Variants in AAGAB observed in about 807,000 individuals in gnomAD.
AAGAB encodes the protein alpha and gamma adaptin binding protein, also known as alpha- and gamma-adaptin-binding protein p34.
A neutral mutation model predicts 44.1 loss-of-function variants in AAGAB; 38 were observed. That is an observed-to-expected ratio of 0.86 (90% CI 0.67 to 1.13). The LOEUF (loss-of-function observed/expected upper bound fraction) is 1.13, where lower values mean the gene tolerates loss of function less well. Among genes scored for constraint, AAGAB ranks in the 50% most tolerant of loss-of-function variants. The pLI is 0.00. For missense variants in AAGAB, 450 were observed against 373.8 expected (o/e 1.20, Z -1.68); for synonymous variants, 131 against 131.8 (o/e 0.99, Z 0.04).
chr15:67,237,065 G>T (rs1964488262), intron 1 of AAGAB, among the ~76,000 whole-genome samples: 1 of 152,048 alleles, frequency 6.6e-6, no homozygotes, highest in African/African-American at 2.4e-5. Flanking sequence ...TTGTGAACTA[G>T]ATTAGACAGT....
chr15:67,222,240 G>GCGCGCACACACACACACA (rs1555417867), intron 5 of AAGAB, among the ~76,000 whole-genome samples: 1 of 88,194 alleles, frequency 1.1e-5, no homozygotes, highest in South Asian at 4.6e-4. Flanking sequence ...ACGCGCGCGC[G>GCGCGCACACACACACACA]CGCACACACA....
At chr15:67,244,018 T>G (rs1567031440) in intron 1 of AAGAB, among the ~76,000 whole-genome samples, 1 of 152,214 alleles carries the variant, frequency 6.6e-6, no homozygotes, top group South Asian at 2.1e-4. Context: ...ATGGTAATTT[T>G]TCATAAACAA....
intron 1 of AAGAB, 56 bp from the exon 2 acceptor site, chr15:67,236,876 G>A: frequency 7.4e-7 from 1 of 1,351,550 alleles, no homozygotes; most frequent in South Asian, 1.4e-5. Flanking sequence ...TACATTGGTT[G>A]ATTTTCTCAG....
Position 67,236,731 on chromosome 15 carries a change from A to G in AAGAB, c.163T>C (p.Ser55Pro). ...YPWTIDNKYY[S>P]ADINLCVVPN... ...ACCACACATAGATTGATGTCTGCTG[A>G]ATAGTATTTATTATCAATGGTCCAG... Residue 55 changes from serine (S) to proline (P), a missense_variant, in exon 2 of 10, where the codon TCA (serine) becomes CCA (proline). By Grantham distance (74) the Ser-to-Pro change is moderately conservative. Coordinates refer to ENST00000261880, the MANE Select transcript of AAGAB (RefSeq NM_024666.5). The G allele has an allele frequency of 6.2e-7, 1 of 1,613,506 alleles. No individual in the cohort carries two copies. Among genetic ancestry groups the G allele is most frequent in the East Asian group, 2.2e-5 (1 of 44,866 alleles).
In AAGAB at chr15:67,202,683, TA is replaced by T; in HGVS notation, c.*137del. The T allele has an allele frequency of 1.4e-6, 1 of 707,098 alleles. No homozygotes were observed. Among genetic ancestry groups the T allele is most frequent in the South Asian group, 1.8e-5 (1 of 54,070 alleles). The allele number at this position is 707,098 out of a possible 1,614,324, so 43.8% of individuals were successfully genotyped here. A position where few individuals can be genotyped will look rare whatever the true frequency, so the allele number is the denominator to read the frequency against. ...TTCTCCTTAACCTCCTACTAAAAAC[TA>T]AAATTAAGGGGACCCTATAAACAAG... On this transcript the variant is annotated 3_prime_UTR_variant, in exon 10 of 10. Coordinates refer to ENST00000261880, the MANE Select transcript of AAGAB (RefSeq NM_024666.5).
At chr15:67,253,335 G>T (rs1047750011) in intron 1 of AAGAB, among the ~76,000 whole-genome samples, 47 of 152,074 alleles carry the variant, frequency 3.1e-4, no homozygotes, top group African/African-American at 1.1e-3. Context: ...GGCTGAGGTA[G>T]GGGGATGGCT....
At chr15:67,242,613 T>C (rs1356365767) in intron 1 of AAGAB, 1 of 152,226 alleles carries the variant, frequency 6.6e-6, no homozygotes, top group Non-Finnish European at 1.5e-5. Flanking sequence ...TAGATTATAC[T>C]GCTCCAGTGG....
chr15:67,211,164 G>C (rs762918450), intron 5 of AAGAB, among the ~76,000 whole-genome samples: 1 of 152,216 alleles, frequency 6.6e-6, no homozygotes, highest in Non-Finnish European at 1.5e-5. Flanking sequence ...TCTGGAGCCT[G>C]ACTCTCGCCA....
chr15:67,212,071 C>T (rs1456271008), intron 5 of AAGAB, among the ~76,000 whole-genome samples: 4 of 152,150 alleles, frequency 2.6e-5, no homozygotes, highest in South Asian at 2.1e-4. Flanking sequence ...TTATTGGAGA[C>T]GGGGTTTCAC....
At chr15:67,236,571 A>G (rs979370190) in intron 2 of AAGAB, 59 bp downstream of exon 2, 1 of 1,599,704 alleles carries the variant, frequency 6.3e-7, no homozygotes, top group African/African-American at 1.3e-5. Context: ...ATGTAATGGG[A>G]AAAAAAGAAG....
chr15:67,210,551 C>T (rs1224153634), intron 5 of AAGAB, among the ~76,000 whole-genome samples: 1 of 151,882 alleles, frequency 6.6e-6, no homozygotes, highest in African/African-American at 2.4e-5. Context: ...AACTCTAATT[C>T]AGATATGAAT....
intron 9 of AAGAB, 98 bp downstream of exon 9, chr15:67,203,450 C>T (rs1318975539): frequency 4.8e-6 from 5 of 1,051,438 alleles, no homozygotes; most frequent in East Asian, 2.6e-5. Flanking sequence ...AAAGCTCACA[C>T]TAAGACCCTT....
intron 4 of AAGAB, 57 bp from the exon 5 acceptor site, chr15:67,231,954 A>G (rs949090056): frequency 1.4e-6 from 2 of 1,449,356 alleles, no homozygotes; most frequent in African/African-American, 2.8e-5. Context: ...AGATATACAT[A>G]TACATTCACA....
chr15:67,214,311 GC>G (rs1237274346), intron 5 of AAGAB, among the ~76,000 whole-genome samples: 4 of 152,242 alleles, frequency 2.6e-5, no homozygotes, highest in Non-Finnish European at 5.9e-5. Flanking sequence ...ACTGTTCACA[GC>G]CCAGCCCTAT....
intron 4 of AAGAB, among the ~76,000 whole-genome samples, chr15:67,235,160 C>T (rs1363064021): frequency 6.6e-6 from 1 of 152,210 alleles, no homozygotes; most frequent in Non-Finnish European, 1.5e-5. Context: ...CCTTTTCTAA[C>T]TTCTTCCCCA....
At chr15:67,236,562 T>G in intron 2 of AAGAB, 58 bp from the exon 3 acceptor site, 1 of 1,603,486 alleles carries the variant, frequency 6.2e-7, no homozygotes, top group South Asian at 1.1e-5. Flanking sequence ...TCAGACAAAA[T>G]GTAATGGGAA....
In AAGAB at chr15:67,202,833, A is replaced by T. The variant is rs377498397; in HGVS notation, c.936T>A (p.Asp312Glu). The T allele has an allele frequency of 2.1e-5, 34 of 1,613,914 alleles. No individual in the cohort carries two copies. The highest frequency in any genetic ancestry group is 2.9e-5 in the Non-Finnish European group (34 of 1,179,894). The change falls in exon 10 of 10, where the codon GAT (aspartate) becomes GAA (glutamate). Residue 312 changes from aspartate (D) to glutamate (E), a missense_variant. Coordinates refer to ENST00000261880, the MANE Select transcript of AAGAB (RefSeq NM_024666.5). ...TAGTATGAATAATTCAGTGCTCTTC[A>T]TCAGATGAAAGGCCTTCAATTTCAT... ...DRDEIEGLSS[D>E]EEH
At chr15:67,236,250 A>T (rs1171173136) in intron 3 of AAGAB, among the ~76,000 whole-genome samples, 158 bp downstream of exon 3, 1 of 152,020 alleles carries the variant, frequency 6.6e-6, no homozygotes, top group Non-Finnish European at 1.5e-5. Flanking sequence ...AAAAAAAAGT[A>T]AGTATTACAA....
chr15:67,249,255 G>A (rs1050506542), intron 1 of AAGAB, among the ~76,000 whole-genome samples: 1 of 152,030 alleles, frequency 6.6e-6, no homozygotes, highest in African/African-American at 2.4e-5. Context: ...GGCTGCTCTC[G>A]AACTCCTGAC....
Sources: gnomAD v4.1 joint callset for allele counts (sites outside exome capture counted in the v4.1 genomes callset) on GRCh38, gnomAD v4.1.1 for gene constraint, MANE v1.5 for transcripts, NCBI Gene and HGNC (gene_info 2026-07-23, HGNC 2026-07-21) for gene names.